The following SMARCA2 variants were observed in gnomAD, a reference collection of about 807,000 sequenced individuals.
SMARCA2 encodes the protein SWI/SNF-related matrix-associated actin-dependent regulator of chromatin subfamily A member 2.
Under a neutral mutation model 199.8 loss-of-function variants are expected in SMARCA2, and 61 were observed. That is an observed-to-expected ratio of 0.31 (90% CI 0.25 to 0.38). SMARCA2 has a LOEUF of 0.38. Among genes scored for constraint, SMARCA2 ranks in the 10% least tolerant of loss-of-function variants. SMARCA2 has a pLI of 1.00. For synonymous variants in SMARCA2, 935 were observed against 732.0 expected, an observed-to-expected ratio of 1.28 and a Z score of -4.48; for missense variants, 1,344 against 2,012.2, an observed-to-expected ratio of 0.67 and a Z score of 6.35.
chr9:2,066,757 G>A (rs1285783114), intron 9 of SMARCA2, among the ~76,000 whole-genome samples: 2 of 152,154 alleles, frequency 1.3e-5, no homozygotes, highest in Non-Finnish European at 2.9e-5. Context: ...GCAATTAAAC[G>A]ATGCAGATAA....
chr9:2,185,856 C>T (rs1025529933), intron 31 of SMARCA2, among the ~76,000 whole-genome samples: 1 of 152,164 alleles, frequency 6.6e-6, no homozygotes, highest in African/African-American at 2.4e-5. Context: ...ATCTACTATT[C>T]TCCTCCAAGC....
At chr9:2,099,912 AG>A (rs1822436668) in intron 21 of SMARCA2, among the ~76,000 whole-genome samples, 1 of 152,198 alleles carries the variant, frequency 6.6e-6, no homozygotes, top group South Asian at 2.1e-4. Flanking sequence ...GCTTGGAGAC[AG>A]GGATGGAGCC....
chr9:2,117,741 G>T (rs545002428), intron 25 of SMARCA2, among the ~76,000 whole-genome samples: 1 of 152,346 alleles, frequency 6.6e-6, no homozygotes, highest in East Asian at 1.9e-4. Context: ...GGTGGGGCCT[G>T]ACGTGCACTC....
In SMARCA2 at chr9:2,181,612, C is replaced by T. The variant is rs1197403427; in HGVS notation, c.4295C>T (p.Ser1432Leu). The T allele has an allele frequency of 2.5e-6, 4 of 1,603,808 alleles. No individual in the cohort carries two copies. The highest frequency in any genetic ancestry group is 3.4e-6 in the Non-Finnish European group (4 of 1,170,788). ...QLSEVFIQLP[S>L]RKELPEYYEL... ...AGTGAAGTCTTCATTCAGTTACCTT[C>T]AAGGAAAGAATTACCAGAATACTAT... Residue 1432 changes from serine to leucine, a missense_variant, in exon 30 of 34, where the codon TCA (serine) becomes TTA (leucine). Coordinates refer to ENST00000349721, the MANE Select transcript of SMARCA2 (RefSeq NM_003070.5).
At chr9:2,088,285 G>A (rs944186321) in intron 18 of SMARCA2, among the ~76,000 whole-genome samples, 1 of 152,140 alleles carries the variant, frequency 6.6e-6, no homozygotes, top group African/African-American at 2.4e-5. Context: ...AGAACTCAGC[G>A]TTAAGACAAA....
At chr9:2,067,570 C>T (rs1015000873) in intron 9 of SMARCA2, among the ~76,000 whole-genome samples, 1 of 152,200 alleles carries the variant, frequency 6.6e-6, no homozygotes, top group African/African-American at 2.4e-5. Flanking sequence ...TGACCCAGTC[C>T]TGCAGAAGCC....
chr9:2,159,191 G>C (rs1032725897), intron 27 of SMARCA2, among the ~76,000 whole-genome samples: 1 of 152,152 alleles, frequency 6.6e-6, no homozygotes, highest in Non-Finnish European at 1.5e-5. Context: ...CGGGGTGAGA[G>C]TAGAAATATC....
intron 1 of SMARCA2, among the ~76,000 whole-genome samples, chr9:2,019,072 T>C (rs1227713646): frequency 6.6e-6 from 1 of 152,046 alleles, no homozygotes; most frequent in Admixed American, 6.5e-5. Context: ...AAATGTTTGC[T>C]ATTGTAAAGA....
At chr9:2,052,014 C>T (rs7036529) in intron 5 of SMARCA2, among the ~76,000 whole-genome samples, 50,638 of 152,006 alleles carry the variant, frequency 0.33, 10,647 homozygotes, top group African/African-American at 0.61. Flanking sequence ...AATAATCTCA[C>T]GAGTATCACT....
intron 26 of SMARCA2, among the ~76,000 whole-genome samples, chr9:2,122,160 T>C (rs1823489007): frequency 6.6e-6 from 1 of 152,230 alleles, no homozygotes; most frequent in Admixed American, 6.5e-5. Flanking sequence ...TCAGAAAAGA[T>C]TTATTTTCTC....
At chr9:2,080,450 C>T (rs1821517392) in intron 14 of SMARCA2, among the ~76,000 whole-genome samples, 1 of 152,134 alleles carries the variant, frequency 6.6e-6, no homozygotes, top group Admixed American at 6.6e-5. Context: ...CTAAAAAAAG[C>T]AGAAACAAAA....
In SMARCA2 at chr9:2,174,487, C is replaced by G. The variant is rs529201731; in HGVS notation, c.4253+4015C>G. Among the ~76,000 whole-genome samples, 3 of 152,308 alleles carry G rather than the reference C, an allele frequency of 2.0e-5. No individual in the cohort carries two copies. The East Asian group carries it at 5.8e-4, about 29-fold the overall frequency. On this transcript the variant is annotated intron_variant, in intron 29 of 33. Coordinates refer to ENST00000349721, the MANE Select transcript of SMARCA2 (RefSeq NM_003070.5). ...AAAAGCAGCACTCCGGTGCCTGCCA[C>G]GACCCACCCATTTAACAAAGCAGCG...
intron 5 of SMARCA2, among the ~76,000 whole-genome samples, chr9:2,049,725 G>C (rs1231191921): frequency 6.6e-6 from 1 of 152,194 alleles, no homozygotes; most frequent in Non-Finnish European, 1.5e-5. Context: ...AAGGTAAGTT[G>C]TTCAACTGCA....
intron 5 of SMARCA2, among the ~76,000 whole-genome samples, chr9:2,053,815 G>A (rs1266114097): frequency 1.3e-5 from 2 of 152,182 alleles, no homozygotes; most frequent in Admixed American, 6.5e-5. Flanking sequence ...AGTATCCCAA[G>A]TGAATGGCTA....
intron 25 of SMARCA2, among the ~76,000 whole-genome samples, chr9:2,118,210 C>G (rs1370346021): frequency 6.6e-6 from 1 of 152,192 alleles, no homozygotes; most frequent in Non-Finnish European, 1.5e-5. Flanking sequence ...ACTGTGAAGT[C>G]TGAACCCACT....
At chr9:2,046,173 T>C (rs1436343070) in intron 4 of SMARCA2, 1 of 152,170 alleles carries the variant, frequency 6.6e-6, no homozygotes, top group Non-Finnish European at 1.5e-5. Context: ...GAGATTCTTT[T>C]AAAAAAATTT....
At chr9:2,181,768 T>C (rs1827039617) in intron 30 of SMARCA2, 92 bp downstream of exon 30, 1 of 735,508 alleles carries the variant, frequency 1.4e-6, no homozygotes, top group Non-Finnish European at 2.4e-6. Flanking sequence ...TGACCGCCAC[T>C]GATGGGTACC....
rs546848224 is a variant in SMARCA2 at position 2,096,831 on chromosome 9, T to A, written c.2991+67T>A. On this transcript the variant is annotated intron_variant, in intron 20 of 33. Coordinates refer to ENST00000349721, the MANE Select transcript of SMARCA2 (RefSeq NM_003070.5). ...GTCTTCTCATGGCTGTGACATTGAA[T>A]ATTCACAGGAAGCATCCCTGCTAAT... 1.2e-3 allele frequency: 1,122 copies of A among 946,962 alleles called. 7 individuals carry two copies. The highest frequency in any genetic ancestry group is 1.6e-3 in the Non-Finnish European group (929 of 572,092). 58.7% of individuals were successfully genotyped at this position (946,962 alleles called of 1,614,324 possible). A position where few individuals can be genotyped will look rare whatever the true frequency, so the allele number is the denominator to read the frequency against.
At chr9:2,133,795 G>C (rs1824070217) in intron 27 of SMARCA2, among the ~76,000 whole-genome samples, 5 of 152,140 alleles carry the variant, frequency 3.3e-5, no homozygotes, top group Admixed American at 3.3e-4. Flanking sequence ...TTATGCCTCA[G>C]GGTTCGGGTG....
Sources: allele counts gnomAD v4.1 joint callset (sites outside exome capture counted in the v4.1 genomes callset), GRCh38; gene constraint gnomAD v4.1.1; transcripts MANE v1.5; gene names NCBI Gene and HGNC (gene_info 2026-07-23, HGNC 2026-07-21).